Variants in SEMA6A observed in about 807,000 individuals in gnomAD.
SEMA6A encodes the protein semaphorin 6A.
SEMA6A carries 25 observed loss-of-function variants against 96.8 expected under a neutral mutation model. The ratio of observed to expected loss-of-function variants is 0.26; its 90% CI spans 0.19 to 0.36. The LOEUF is 0.36. Among genes scored for constraint, SEMA6A ranks in the 10% least tolerant of loss-of-function variants. The pLI, the probability that SEMA6A is intolerant of heterozygous loss-of-function variation, is 1.00. For synonymous variants in SEMA6A, 612 were observed against 518.0 expected (o/e 1.18, Z -2.46); for missense variants, 1,363 against 1,323.1 (o/e 1.03, Z -0.47).
intron 1 of SEMA6A, among the ~76,000 whole-genome samples, chr5:116,559,207 C>T (rs1760715117): frequency 6.6e-6 from 1 of 152,170 alleles, no homozygotes; most frequent in African/African-American, 2.4e-5. Flanking sequence ...AAAATTTCAG[C>T]AGTCTTTGTG....
intron 1 of SEMA6A, among the ~76,000 whole-genome samples, chr5:116,565,564 G>A (rs1278936898): frequency 6.6e-6 from 1 of 152,196 alleles, no homozygotes; most frequent in Non-Finnish European, 1.5e-5. Context: ...ATATACTTGA[G>A]TTTAGAATGC....
chr5:116,480,713 A>C (rs55774255), intron 11 of SEMA6A, among the ~76,000 whole-genome samples: 18,051 of 152,104 alleles, frequency 0.12, 2,536 homozygotes, highest in African/African-American at 0.34. Context: ...AAGACTCTCC[A>C]AAACTCACCA....
Position 116,444,267 on chromosome 5 carries a change from T to G in SEMA6A, c.*2346A>C, listed in dbSNP as rs918761462. On this transcript the variant is annotated 3_prime_UTR_variant, in exon 19 of 19. Coordinates refer to ENST00000343348, the MANE Select transcript of SEMA6A (RefSeq NM_020796.5). Reference sequence around the variant, plus strand: ...AAAAGTAAAAACAACAACAACCACCTACTCCTAAACAACAGCAAAACTAAT... The same window carrying G: ...AAAAGTAAAAACAACAACAACCACCGACTCCTAAACAACAGCAAAACTAAT... 1 of 149,562 alleles carries G rather than the reference T, an allele frequency of 6.7e-6. No individual in the cohort carries two copies. Among genetic ancestry groups the G allele is most frequent in the East Asian group, 2.0e-4 (1 of 5,128 alleles). 9.3% of individuals were successfully genotyped at this position (149,562 alleles called of 1,614,324 possible).
intron 1 of SEMA6A, among the ~76,000 whole-genome samples, chr5:116,526,489 A>G (rs1368822527): frequency 6.6e-6 from 1 of 152,240 alleles, no homozygotes; most frequent in Admixed American, 6.5e-5. Flanking sequence ...AAACGGATCA[A>G]TGAATGATCT....
At chr5:116,466,978 T>C (rs1299243949) in intron 18 of SEMA6A, among the ~76,000 whole-genome samples, 3 of 152,170 alleles carry the variant, frequency 2.0e-5, no homozygotes, top group African/African-American at 7.2e-5. Flanking sequence ...GTCCCTTTCA[T>C]TTAGTGTGGC....
chr5:116,484,680 C>G (rs9885352), intron 10 of SEMA6A, among the ~76,000 whole-genome samples: 1 of 152,024 alleles, frequency 6.6e-6, no homozygotes, highest in Non-Finnish European at 1.5e-5. Flanking sequence ...ATCTTCAGGA[C>G]GGTCTGGTAA....
At chr5:116,553,028 G>C (rs571850601) in intron 1 of SEMA6A, among the ~76,000 whole-genome samples, 2 of 152,226 alleles carry the variant, frequency 1.3e-5, no homozygotes, top group South Asian at 4.1e-4. Flanking sequence ...GTCACCAAAG[G>C]ACACTTCTCC....
At chr5:116,483,024 TC>T (rs1217634402) in intron 10 of SEMA6A, among the ~76,000 whole-genome samples, 1 of 152,196 alleles carries the variant, frequency 6.6e-6, no homozygotes, top group Non-Finnish European at 1.5e-5. Flanking sequence ...ATTTGGTTTT[TC>T]GAGCCAAGAA....
intron 6 of SEMA6A, 113 bp from the exon 7 acceptor site, chr5:116,491,943 G>C (rs1459679670): frequency 1.2e-6 from 1 of 816,392 alleles, no homozygotes; most frequent in Non-Finnish European, 2.1e-6. Context: ...ATCACTTTGA[G>C]ATGGACCCTG....
At chr5:116,473,710 G>A (rs894321581) in intron 16 of SEMA6A, among the ~76,000 whole-genome samples, 5 of 152,082 alleles carry the variant, frequency 3.3e-5, no homozygotes, top group Admixed American at 2.0e-4. Flanking sequence ...TGTTAATTTT[G>A]TACCAGTTAT....
chr5:116,530,634 C>T (rs1340064321), intron 1 of SEMA6A, among the ~76,000 whole-genome samples: 2 of 151,930 alleles, frequency 1.3e-5, no homozygotes, highest in Non-Finnish European at 2.9e-5. Context: ...TTCATGGGTG[C>T]TTTTAAGATA....
At chr5:116,488,818 G>T (rs1757188509) in intron 8 of SEMA6A, 70 bp downstream of exon 8, 1 of 1,462,310 alleles carries the variant, frequency 6.8e-7, no homozygotes, top group Admixed American at 2.6e-5. Flanking sequence ...GGTCCCTCCA[G>T]ACTCTAAATC....
At chr5:116,491,587 A>G (rs940948714) in intron 7 of SEMA6A, among the ~76,000 whole-genome samples, 153 bp downstream of exon 7, 2 of 152,148 alleles carry the variant, frequency 1.3e-5, no homozygotes, top group African/African-American at 2.4e-5. Flanking sequence ...TACAATTTTC[A>G]TACTAATTTC....
Position 116,478,721 on chromosome 5 carries a change from A to G in SEMA6A, c.1251-3T>C. On this transcript the variant is annotated splice_region_variant and splice_polypyrimidine_tract_variant and intron_variant, in intron 12 of 18. Transcript: ENST00000343348. ...CTGCAATTTTGGTAAGGCGGTATCT[A>G]AAATGACAGGACCACATTTCTTATC... is the stretch of plus-strand genomic sequence containing the variant. 4 of 1,611,474 alleles carry G rather than the reference A, an allele frequency of 2.5e-6. No homozygotes were observed. The highest frequency in any genetic ancestry group is 1.1e-5 in the South Asian group (1 of 90,362).
intron 1 of SEMA6A, among the ~76,000 whole-genome samples, chr5:116,556,883 A>G (rs537213427): frequency 6.6e-6 from 1 of 152,314 alleles, no homozygotes; most frequent in East Asian, 1.9e-4. Context: ...TACCTTCATA[A>G]TCCACTGAGA....
At chr5:116,505,612 G>A (rs542982176) in intron 1 of SEMA6A, among the ~76,000 whole-genome samples, 8 of 152,270 alleles carry the variant, frequency 5.3e-5, no homozygotes, top group Admixed American at 3.9e-4. Flanking sequence ...AATCTATAAA[G>A]AGAAGTAGGC....
intron 1 of SEMA6A, among the ~76,000 whole-genome samples, chr5:116,549,354 G>A (rs2112880796): frequency 6.6e-6 from 1 of 152,262 alleles, no homozygotes; most frequent in Admixed American, 6.5e-5. Context: ...GGAGAGATTA[G>A]AAGCAGGAGG....
chr5:116,514,017 C>G (rs1296046039), intron 1 of SEMA6A, among the ~76,000 whole-genome samples: 1 of 152,158 alleles, frequency 6.6e-6, no homozygotes, highest in Non-Finnish European at 1.5e-5. Flanking sequence ...CTTTCTTTAT[C>G]TAGTCTATCA....
chr5:116,566,210 C>T (rs1580525003), intron 1 of SEMA6A, among the ~76,000 whole-genome samples: 1 of 152,066 alleles, frequency 6.6e-6, no homozygotes, highest in African/African-American at 2.4e-5. Flanking sequence ...GTCTTTGAAG[C>T]GTAGAGGGGC....
Sources: gnomAD v4.1 joint callset for allele counts (sites outside exome capture counted in the v4.1 genomes callset) on GRCh38, gnomAD v4.1.1 for gene constraint, MANE v1.5 for transcripts, NCBI Gene and HGNC (gene_info 2026-07-23, HGNC 2026-07-21) for gene names.